The following KATNAL1 variants were observed in gnomAD, a reference collection of about 807,000 sequenced individuals.
KATNAL1 encodes the protein katanin p60 ATPase-containing subunit A-like 1.
Under a neutral mutation model 55.2 loss-of-function variants are expected in KATNAL1, and 32 were observed. The observed-to-expected ratio is 0.58, with a 90% CI of 0.44 to 0.78. KATNAL1 has a LOEUF of 0.78. KATNAL1 is among the 30% of genes least tolerant of loss of function. KATNAL1 has a pLI of 0.00. For synonymous variants in KATNAL1, 193 were observed against 193.6 expected (o/e 1.00, Z 0.02); for missense variants, 466 against 600.9 (o/e 0.78, Z 2.35).
intron 1 of KATNAL1, among the ~76,000 whole-genome samples, chr13:30,302,724 A>G (rs1326118564): frequency 6.6e-6 from 1 of 152,240 alleles, no homozygotes; most frequent in Non-Finnish European, 1.5e-5. Flanking sequence ...TGAGTATACC[A>G]AAACTAGTTT....
At chr13:30,280,809 A>C (rs878953997) in intron 2 of KATNAL1, among the ~76,000 whole-genome samples, 1 of 152,184 alleles carries the variant, frequency 6.6e-6, no homozygotes, top group Admixed American at 6.5e-5. Context: ...TTTTGATTTC[A>C]AAGACAAGAT....
intron 1 of KATNAL1, among the ~76,000 whole-genome samples, chr13:30,284,383 G>A (rs1241681644): frequency 6.6e-6 from 1 of 151,910 alleles, no homozygotes. Flanking sequence ...ATTACCATAG[G>A]CTGCAATAAC....
intron 1 of KATNAL1, among the ~76,000 whole-genome samples, chr13:30,293,390 A>T (rs997335108): frequency 6.6e-6 from 1 of 152,156 alleles, no homozygotes; most frequent in African/African-American, 2.4e-5. Flanking sequence ...TACACTGTGT[A>T]CACCCCGGCA....
At chr13:30,278,993 A>G (rs1256584017) in intron 3 of KATNAL1, among the ~76,000 whole-genome samples, 5 of 152,240 alleles carry the variant, frequency 3.3e-5, no homozygotes, top group African/African-American at 1.2e-4. Flanking sequence ...AGTGGAAAAA[A>G]TCCAAAGGAA....
intron 1 of KATNAL1, among the ~76,000 whole-genome samples, chr13:30,296,926 G>A (rs538865771): frequency 1.2e-4 from 19 of 152,038 alleles, no homozygotes; most frequent in South Asian, 1.0e-3. Flanking sequence ...GAATAGTGAC[G>A]CCCACTCCCG....
At chr13:30,304,104 C>A (rs940714658) in intron 1 of KATNAL1, among the ~76,000 whole-genome samples, 5 of 152,122 alleles carry the variant, frequency 3.3e-5, no homozygotes, top group African/African-American at 1.2e-4. Flanking sequence ...TGGAGACCTG[C>A]CTATGATCAT....
chr13:30,224,426 C>A lies in KATNAL1; in HGVS notation c.1147+2986G>T, dbSNP rs141097392. 2.8e-3 allele frequency among the ~76,000 whole-genome samples: 424 copies of A among 151,632 alleles called. 4 individuals are homozygous for A. The highest frequency in any genetic ancestry group is 9.7e-3 in the African/African-American group (402 of 41,336). On this transcript the variant is annotated intron_variant, in intron 9 of 10. Coordinates refer to ENST00000380615, the MANE Select transcript of KATNAL1 (RefSeq NM_032116.5). ...GTGACATGTGTTTGTAGTCCCTACT[C>A]AAGAGGCTGAGGTGGGAGGATCTGT...
intron 2 of KATNAL1, among the ~76,000 whole-genome samples, chr13:30,282,889 A>G (rs543471429): frequency 0.02 from 2,968 of 147,826 alleles, 37 homozygotes; most frequent in Non-Finnish European, 0.032. Context: ...CGGGAGGTGG[A>G]GCTTACAGTG....
At chr13:30,265,949 T>C (rs1316175672) in intron 3 of KATNAL1, among the ~76,000 whole-genome samples, 1 of 129,920 alleles carries the variant, frequency 7.7e-6, no homozygotes, top group African/African-American at 3.0e-5. Context: ...GAGGTGGAGG[T>C]TGCCATGAGC....
At chr13:30,275,601 G>GTCATCTTGCATC (rs1880783873) in intron 3 of KATNAL1, among the ~76,000 whole-genome samples, 1 of 152,136 alleles carries the variant, frequency 6.6e-6, no homozygotes. Context: ...AGGGTACAAA[G>GTCATCTTGCATC]TTTCAGTCAT....
At chr13:30,246,858 T>C (rs529385798) in intron 4 of KATNAL1, among the ~76,000 whole-genome samples, 73 of 152,200 alleles carry the variant, frequency 4.8e-4, no homozygotes, top group Non-Finnish European at 7.9e-4. Context: ...CTCACACAAT[T>C]AGAATGGCAA....
chr13:30,270,135 C>T lies in KATNAL1; in HGVS notation c.323+9928G>A, dbSNP rs558645145. 1.4e-3 allele frequency among the ~76,000 whole-genome samples: 187 copies of T among 136,738 alleles called. 1 individual carries two copies. The highest frequency in any genetic ancestry group is 4.5e-3 in the African/African-American group (176 of 39,450). The allele number at this position is 136,738 out of a possible 152,430, so 89.7% of individuals were successfully genotyped here. On this transcript the variant is annotated intron_variant, in intron 3 of 10. Coordinates refer to ENST00000380615, the MANE Select transcript of KATNAL1 (RefSeq NM_032116.5). ...CCGGGAGGTGAGGGGCGCCTCTGCC[C>T]GGCCGCCCCTACTGGGAAGTGAGGA... is the stretch of plus-strand genomic sequence containing the variant.
intron 4 of KATNAL1, among the ~76,000 whole-genome samples, chr13:30,242,314 T>C (rs1475379813): frequency 6.6e-6 from 1 of 152,152 alleles, no homozygotes; most frequent in South Asian, 2.1e-4. Flanking sequence ...AAGAACTTAA[T>C]AAACACTACC....
intron 4 of KATNAL1, among the ~76,000 whole-genome samples, chr13:30,243,596 T>G (rs569982379): frequency 8.1e-5 from 9 of 110,646 alleles, no homozygotes; most frequent in African/African-American, 3.5e-4. Context: ...ACAGGCCTAC[T>G]AGGTATTAAG....
chr13:30,287,627 CA>C (rs1881875463), intron 1 of KATNAL1, among the ~76,000 whole-genome samples: 1 of 152,210 alleles, frequency 6.6e-6, no homozygotes. Context: ...AGGACAACCA[CA>C]CAAAGTGTCA....
At chr13:30,220,477 A>G (rs1874737536) in intron 9 of KATNAL1, among the ~76,000 whole-genome samples, 1 of 152,104 alleles carries the variant, frequency 6.6e-6, no homozygotes, top group African/African-American at 2.4e-5. Context: ...ACAAACAAAC[A>G]AAAACATGGA....
chr13:30,290,517 A>G (rs1195734262), intron 1 of KATNAL1, among the ~76,000 whole-genome samples: 1 of 152,234 alleles, frequency 6.6e-6, no homozygotes, highest in African/African-American at 2.4e-5. Context: ...GAAATTGAAT[A>G]CAGAAGAGGT....
chr13:30,262,056 T>C (rs966868748), intron 3 of KATNAL1, among the ~76,000 whole-genome samples: 1 of 152,034 alleles, frequency 6.6e-6, no homozygotes, highest in African/African-American at 2.4e-5. Flanking sequence ...AACTCAGGAT[T>C]AAGAATCTCA....
In KATNAL1 at chr13:30,208,597, G is replaced by A. The variant is rs1037887476; in HGVS notation, c.1416C>T (p.Val472=). The A allele has an allele frequency of 2.5e-6, 4 of 1,613,170 alleles. No homozygotes were observed. ...CATACTTCTCCAAGTCTGCAGCAGA[G>A]ACAGACTTAGCAATTTTCTTTAGGG... is the stretch of plus-strand genomic sequence containing the variant. ...ELALKKIAKS[V]SAADLEKYEK... is the part of the protein sequence containing the mutation. Residue 472 remains valine (V), a synonymous_variant, in exon 11 of 11, where the codon GTC becomes GTT. Coordinates refer to ENST00000380615, the MANE Select transcript of KATNAL1 (RefSeq NM_032116.5).
Sources: allele counts gnomAD v4.1 joint callset (sites outside exome capture counted in the v4.1 genomes callset), GRCh38; gene constraint gnomAD v4.1.1; transcripts MANE v1.5; gene names NCBI Gene and HGNC (gene_info 2026-07-23, HGNC 2026-07-21).